The following FAM107B variants were observed in gnomAD, a reference collection of about 807,000 sequenced individuals.
FAM107B encodes the protein family with sequence similarity 107 member B.
Under a neutral mutation model 31.5 loss-of-function variants are expected in FAM107B, and 21 were observed. That is an observed-to-expected ratio of 0.67 (90% CI 0.47 to 0.96). FAM107B has a LOEUF of 0.96. Ranked by LOEUF, FAM107B falls within the 40% of genes least tolerant of loss-of-function variation. The pLI is 0.00. For missense variants in FAM107B, 452 were observed against 377.1 expected (o/e 1.20, Z -1.64); for synonymous variants, 157 against 141.5 (o/e 1.11, Z -0.78).
At chr10:14,554,027 C>T (rs1316275689) in intron 2 of FAM107B, 15 of 864,244 alleles carry the variant, frequency 1.7e-5, no homozygotes, top group Non-Finnish European at 2.1e-5. Context: ...CAAGGTTTGC[C>T]GCCTCTGGCC....
intron 2 of FAM107B, among the ~76,000 whole-genome samples, chr10:14,629,304 T>C (rs1161752461): frequency 2.3e-5 from 2 of 85,182 alleles, no homozygotes; most frequent in African/African-American, 9.6e-5. Context: ...TGTATAAATA[T>C]ATAATATATA....
At chr10:14,565,155 T>C (rs1461072833) in intron 2 of FAM107B, among the ~76,000 whole-genome samples, 2 of 152,262 alleles carry the variant, frequency 1.3e-5, no homozygotes, top group African/African-American at 4.8e-5. Context: ...GCCAGGCATA[T>C]GTCTTGACAC....
intron 2 of FAM107B, among the ~76,000 whole-genome samples, chr10:14,593,925 A>G (rs1189155102): frequency 6.6e-6 from 1 of 152,240 alleles, no homozygotes; most frequent in Non-Finnish European, 1.5e-5. Context: ...AAAATGTATT[A>G]TACATAATAC....
At chr10:14,646,827 T>C (rs1853768779) in intron 2 of FAM107B, among the ~76,000 whole-genome samples, 1 of 116,356 alleles carries the variant, frequency 8.6e-6, no homozygotes, top group South Asian at 2.9e-4. Context: ...GGAGTCTCAC[T>C]CTGTCACCCA....
chr10:14,547,905 G>A lies in FAM107B; in HGVS notation c.470-17390C>T, dbSNP rs557927222. ...TGAGGACAGGGACACATCTCTGTCT[G>A]GGTCTTTGGAGGATTGTCTGTCTCT... On this transcript the variant is annotated intron_variant, in intron 2 of 4. Coordinates refer to ENST00000181796, the MANE Select transcript of FAM107B (RefSeq NM_031453.4). Among the ~76,000 whole-genome samples, 74 of 152,334 alleles carry A rather than the reference G, an allele frequency of 4.9e-4. 1 individual carries two copies. Among genetic ancestry groups the A allele is most frequent in the Middle Eastern group, 6.8e-3 (2 of 294 alleles).
chr10:14,579,715 T>C (rs951827148), intron 2 of FAM107B, among the ~76,000 whole-genome samples: 3 of 152,234 alleles, frequency 2.0e-5, no homozygotes, highest in Admixed American at 6.5e-5. Flanking sequence ...CATTCACTAG[T>C]TCCTTCCAAA....
At chr10:14,521,771 T>C (rs1405056623) in intron 4 of FAM107B, 98 bp downstream of exon 4, 4 of 1,490,260 alleles carry the variant, frequency 2.7e-6, no homozygotes, top group Non-Finnish European at 3.6e-6. Flanking sequence ...GGTATAAATG[T>C]ATACACTGGC....
rs58460671 is a variant in FAM107B, at chr10:14,755,506, A to G, written c.411+18747T>C. Among the ~76,000 whole-genome samples, 1,437 of 151,946 alleles carry G rather than the reference A, an allele frequency of 9.5e-3. 22 individuals are homozygous for G. The highest frequency in any genetic ancestry group is 0.032 in the African/African-American group (1,315 of 41,444). ...TGTGAGATTCTGTCTCAAAAAAAAA[A>G]AAAAGAAAAAAGAAAAGAAAGTAAG... On this transcript the variant is annotated intron_variant, in intron 1 of 4. Transcript: ENST00000181796.
chr10:14,599,656 A>G (rs759585083), intron 2 of FAM107B, among the ~76,000 whole-genome samples: 5 of 152,164 alleles, frequency 3.3e-5, no homozygotes, highest in Non-Finnish European at 4.4e-5. Context: ...TTAAAAAAAG[A>G]TATGCTTAAC....
chr10:14,772,367 A>G (rs1446997715), intron 1 of FAM107B, among the ~76,000 whole-genome samples: 2 of 150,844 alleles, frequency 1.3e-5, no homozygotes, highest in East Asian at 3.9e-4. Flanking sequence ...AAAAAAATAT[A>G]TATATATATA....
At chr10:14,750,519 G>A (rs1832806980) in intron 1 of FAM107B, among the ~76,000 whole-genome samples, 1 of 152,178 alleles carries the variant, frequency 6.6e-6, no homozygotes, top group African/African-American at 2.4e-5. Context: ...GCCTGAGGCG[G>A]GAGAATCGCT....
intron 2 of FAM107B, among the ~76,000 whole-genome samples, chr10:14,531,202 G>T (rs1359189519): frequency 2.6e-5 from 4 of 152,118 alleles, no homozygotes; most frequent in African/African-American, 9.7e-5. Flanking sequence ...TTCGCCCACC[G>T]CTGTGCCACA....
intron 1 of FAM107B, among the ~76,000 whole-genome samples, chr10:14,751,581 C>T (rs917539647): frequency 6.6e-6 from 1 of 151,906 alleles, no homozygotes; most frequent in Non-Finnish European, 1.5e-5. Context: ...GAGCTCATTA[C>T]AGCCTTTACC....
intron 2 of FAM107B, among the ~76,000 whole-genome samples, chr10:14,599,922 T>C (rs777413451): frequency 2.0e-5 from 3 of 152,024 alleles, no homozygotes; most frequent in Non-Finnish European, 2.9e-5. Context: ...TTTTACTCTT[T>C]AAATATTTTT....
intron 1 of FAM107B, among the ~76,000 whole-genome samples, chr10:14,715,381 A>G (rs1855757512): frequency 2.0e-5 from 3 of 152,236 alleles, no homozygotes; most frequent in Admixed American, 1.3e-4. Context: ...ATACACAGAA[A>G]GATTAGTAAG....
intron 2 of FAM107B, among the ~76,000 whole-genome samples, chr10:14,546,844 T>C (rs1848740973): frequency 6.6e-6 from 1 of 152,184 alleles, no homozygotes; most frequent in African/African-American, 2.4e-5. Context: ...CAGAACATAA[T>C]GAATGCTCAA....
chr10:14,750,804 C>G (rs530836710), intron 1 of FAM107B, among the ~76,000 whole-genome samples: 2 of 152,008 alleles, frequency 1.3e-5, no homozygotes, highest in East Asian at 3.9e-4. Context: ...TAAAAATTAC[C>G]TGGGTGGTGC....
chr10:14,644,820 G>A (rs945095357), intron 2 of FAM107B, among the ~76,000 whole-genome samples: 12 of 152,192 alleles, frequency 7.9e-5, no homozygotes, highest in African/African-American at 2.9e-4. Context: ...GGACAGGAGA[G>A]GTCTTTCTTA....
intron 1 of FAM107B, among the ~76,000 whole-genome samples, chr10:14,709,880 G>C (rs374377326): frequency 3.3e-5 from 5 of 152,240 alleles, no homozygotes; most frequent in Admixed American, 2.6e-4. Context: ...GCAAAACTAT[G>C]GAGACAGTAA....
Sources: allele counts gnomAD v4.1 joint callset (sites outside exome capture counted in the v4.1 genomes callset), GRCh38; gene constraint gnomAD v4.1.1; transcripts MANE v1.5; gene names NCBI Gene and HGNC (gene_info 2026-07-23, HGNC 2026-07-21).